Variants in CDH7 observed in about 807,000 individuals in gnomAD.
CDH7 encodes cadherin 7.
Under a neutral mutation model 71.8 loss-of-function variants are expected in CDH7, and 25 were observed. The observed-to-expected ratio is 0.35, with a 90% CI of 0.25 to 0.49. The LOEUF (loss-of-function observed/expected upper bound fraction) is 0.49, where lower values mean the gene tolerates loss of function less well. Ranked by LOEUF, CDH7 falls within the 20% of genes least tolerant of loss-of-function variation. CDH7 has a pLI of 0.99. For synonymous variants in CDH7, 381 were observed against 363.8 expected (o/e 1.05, Z -0.54); for missense variants, 862 against 974.6 (o/e 0.88, Z 1.54).
intron 2 of CDH7, among the ~76,000 whole-genome samples, chr18:65,778,351 T>C (rs952796182): frequency 1.3e-5 from 2 of 148,524 alleles, no homozygotes; most frequent in Non-Finnish European, 3.0e-5. Flanking sequence ...TCCTACAGAA[T>C]TGTAGAACAT....
chr18:65,862,803 G>A lies in CDH7; in HGVS notation c.1750G>A (p.Asp584Asn), dbSNP rs1913619264. The A allele has an allele frequency of 2.5e-6, 4 of 1,614,054 alleles. No individual in the cohort carries two copies. In the Admixed American group the frequency reaches 6.7e-5, roughly 27 times the overall value. ...STNTLTIRVCDCDADGVAQTC... is the reference protein window; with the variant it reads ...STNTLTIRVCNCDADGVAQTC... ...CAACACCCTCACCATCCGCGTGTGT[G>A]ACTGTGATGCTGACGGCGTAGCCCA... The change falls in exon 11 of 12, where the codon GAC becomes AAC. Residue 584 changes from aspartate to asparagine, a missense_variant. Transcript: ENST00000397968.
At chr18:65,790,220 C>CAA (rs10552878) in intron 2 of CDH7, among the ~76,000 whole-genome samples, 262 of 66,148 alleles carry the variant, frequency 4.0e-3, no homozygotes, top group Middle Eastern at 0.011. Context: ...GACTCTCTCT[C>CAA]AAAAAAAAAA....
chr18:65,799,459 C>G (rs554703685), intron 2 of CDH7, among the ~76,000 whole-genome samples: 3 of 151,990 alleles, frequency 2.0e-5, no homozygotes, highest in African/African-American at 7.2e-5. Flanking sequence ...GGGCGGATCA[C>G]GAGGTCAGGA....
chr18:65,856,552 G>A (rs896998668), intron 7 of CDH7, among the ~76,000 whole-genome samples: 1 of 152,040 alleles, frequency 6.6e-6, no homozygotes, highest in Non-Finnish European at 1.5e-5. Flanking sequence ...CAAGTCAAGG[G>A]TATGTTCATA....
At chr18:65,813,082 C>G (rs953557743) in intron 3 of CDH7, among the ~76,000 whole-genome samples, 33 of 152,298 alleles carry the variant, frequency 2.2e-4, no homozygotes, top group African/African-American at 7.9e-4. Flanking sequence ...CCTGGAATCC[C>G]AGCACTTTGG....
At chr18:65,778,928 C>A (rs1910068277) in intron 2 of CDH7, among the ~76,000 whole-genome samples, 1 of 152,052 alleles carries the variant, frequency 6.6e-6, no homozygotes, top group South Asian at 2.1e-4. Context: ...AAACTATTCA[C>A]CTGAGATTTC....
chr18:65,850,135 G>A (rs1913093330), intron 7 of CDH7, among the ~76,000 whole-genome samples: 2 of 148,088 alleles, frequency 1.4e-5, no homozygotes, highest in African/African-American at 5.0e-5. Flanking sequence ...CTGCACTCCA[G>A]CCTCAGTGAC....
intron 2 of CDH7, among the ~76,000 whole-genome samples, chr18:65,797,350 T>G (rs997274959): frequency 6.6e-5 from 10 of 152,178 alleles, no homozygotes; most frequent in Admixed American, 2.6e-4. Flanking sequence ...TTCTGCCAAT[T>G]TTATTACATT....
chr18:65,777,634 GA>G (rs1479268658), intron 2 of CDH7, among the ~76,000 whole-genome samples: 1 of 152,084 alleles, frequency 6.6e-6, no homozygotes, highest in Non-Finnish European at 1.5e-5. Context: ...TTTATGAAAT[GA>G]AAAGTCTAGT....
intron 11 of CDH7, among the ~76,000 whole-genome samples, chr18:65,869,957 A>G (rs947158946): frequency 6.6e-6 from 1 of 152,160 alleles, no homozygotes; most frequent in Non-Finnish European, 1.5e-5. Flanking sequence ...TATTTTTAGG[A>G]CATTTTTCTG....
chr18:65,763,475 A>C (rs1007467709), intron 2 of CDH7, among the ~76,000 whole-genome samples: 24 of 152,092 alleles, frequency 1.6e-4, no homozygotes, highest in Non-Finnish European at 1.5e-5. Context: ...ATTAATACTT[A>C]GGTGTCCTTC....
chr18:65,831,626 C>G (rs12457637), intron 6 of CDH7, among the ~76,000 whole-genome samples: 134,150 of 152,020 alleles, frequency 0.88, 61,624 homozygotes, highest in East Asian at 1. Flanking sequence ...AAACATGGAG[C>G]CTACATTATA....
At chr18:65,772,491 T>C (rs1916574293) in intron 2 of CDH7, among the ~76,000 whole-genome samples, 1 of 152,304 alleles carries the variant, frequency 6.6e-6, no homozygotes, top group East Asian at 1.9e-4. Flanking sequence ...GAGAAGCAGA[T>C]ACTGGGGAGT....
chr18:65,872,951 A>G (rs951417351), intron 11 of CDH7, among the ~76,000 whole-genome samples: 1 of 151,906 alleles, frequency 6.6e-6, no homozygotes, highest in East Asian at 1.9e-4. Flanking sequence ...AATTTAAAAA[A>G]CAGAATTAAA....
intron 2 of CDH7, among the ~76,000 whole-genome samples, chr18:65,773,711 AT>A (rs1916614442): frequency 6.6e-6 from 1 of 152,144 alleles, no homozygotes; most frequent in South Asian, 2.1e-4. Context: ...ATGAAAATGT[AT>A]TTTTAAAAGT....
At chr18:65,788,168 T>A (rs1213446004) in intron 2 of CDH7, among the ~76,000 whole-genome samples, 1 of 152,192 alleles carries the variant, frequency 6.6e-6, no homozygotes, top group South Asian at 2.1e-4. Flanking sequence ...ATTAAACTGT[T>A]CAGCTCTGGA....
At chr18:65,799,392 T>C (rs925028047) in intron 2 of CDH7, among the ~76,000 whole-genome samples, 3 of 151,812 alleles carry the variant, frequency 2.0e-5, no homozygotes, top group African/African-American at 4.8e-5. Context: ...AGAAGGACAA[T>C]CCTGGCCGGG....
At chr18:65,821,964 T>C in intron 4 of CDH7, 117 bp from the exon 5 acceptor site, 1 of 729,168 alleles carries the variant, frequency 1.4e-6, no homozygotes. Context: ...TTATTTAAAG[T>C]AAACAAAACA....
At chr18:65,774,203 TTATTAA>T (rs1189663832) in intron 2 of CDH7, among the ~76,000 whole-genome samples, 3 of 151,978 alleles carry the variant, frequency 2.0e-5, no homozygotes, top group Non-Finnish European at 2.9e-5. Context: ...ATTATTACTG[TTATTAA>T]TATTATGATC....
Sources: allele counts gnomAD v4.1 joint callset (sites outside exome capture counted in the v4.1 genomes callset), GRCh38; gene constraint gnomAD v4.1.1; transcripts MANE v1.5; gene names NCBI Gene and HGNC (gene_info 2026-07-23, HGNC 2026-07-21).